LNP1: variants seen among roughly 807,000 people sequenced by gnomAD.
LNP1 encodes the protein leukemia NUP98 fusion partner 1.
LNP1 carries 12 observed loss-of-function variants against 14.5 expected under a neutral mutation model. That is an observed-to-expected ratio of 0.83 (90% CI 0.53 to 1.34). LNP1 has a LOEUF of 1.34. LNP1 is among the 40% of genes most tolerant of loss of function. LNP1 has a pLI of 0.00. For missense variants in LNP1, 198 were observed against 210.9 expected, an observed-to-expected ratio of 0.94 and a Z score of 0.38; for synonymous variants, 75 against 71.4, an observed-to-expected ratio of 1.05 and a Z score of -0.26.
intron 2 of LNP1, among the ~76,000 whole-genome samples, chr3:100,448,856 C>T (rs1037750330): frequency 9.2e-5 from 14 of 152,114 alleles, no homozygotes; most frequent in African/African-American, 3.4e-4. Context: ...CTTATAGATT[C>T]ATAAAACCGT....
chr3:100,453,705 C>A (rs1196582986), intron 3 of LNP1, among the ~76,000 whole-genome samples: 2 of 152,044 alleles, frequency 1.3e-5, no homozygotes, highest in Admixed American at 6.6e-5. Context: ...ACACCCTTCA[C>A]CTAGATTACC....
chr3:100,445,005 G>A (rs1057003870), intron 2 of LNP1, among the ~76,000 whole-genome samples: 2 of 152,208 alleles, frequency 1.3e-5, no homozygotes, highest in African/African-American at 4.8e-5. Context: ...AGGTGCAGTG[G>A]CTCATGCCTG....
In LNP1 at chr3:100,414,033, CA is replaced by C. The variant is rs1185880306; in HGVS notation, c.-34+11605del. 5.4e-4 allele frequency among the ~76,000 whole-genome samples: 78 copies of C among 145,322 alleles called. 2 individuals are homozygous for C. Among genetic ancestry groups the C allele is most frequent in the Middle Eastern group, 3.5e-3 (1 of 288 alleles). ...AAATTTTGAAAAACATTCAAAGCTGCAAAAAAAAAAATAGTTTCTGTAACTA... is the reference window on the plus strand; with the variant it reads ...AAATTTTGAAAAACATTCAAAGCTGCAAAAAAAAAATAGTTTCTGTAACTA... On this transcript the variant is annotated intron_variant, in intron 1 of 3. Coordinates refer to ENST00000383693, the MANE Select transcript of LNP1 (RefSeq NM_001085451.2).
chr3:100,402,473 T>C (rs555066034), intron 1 of LNP1, 34 bp downstream of exon 1: 3 of 152,284 alleles, frequency 2.0e-5, no homozygotes, highest in African/African-American at 7.2e-5. Flanking sequence ...CTTCAGGCAA[T>C]AGGGTTTCTT....
At chr3:100,418,527 C>T (rs1707111243) in intron 1 of LNP1, among the ~76,000 whole-genome samples, 1 of 151,788 alleles carries the variant, frequency 6.6e-6, no homozygotes, top group Non-Finnish European at 1.5e-5. Context: ...TATTTTCTGT[C>T]CCTCATTTTT....
At chr3:100,424,532 T>G (rs1436712530) in intron 1 of LNP1, among the ~76,000 whole-genome samples, 1 of 152,212 alleles carries the variant, frequency 6.6e-6, no homozygotes, top group African/African-American at 2.4e-5. Context: ...AGAGACTCAG[T>G]ACCCCAGATA....
chr3:100,412,076 T>TCATGGTTCC (rs1242384760), intron 1 of LNP1, among the ~76,000 whole-genome samples: 1 of 152,198 alleles, frequency 6.6e-6, no homozygotes, highest in Non-Finnish European at 1.5e-5. Context: ...TTTATTTAGC[T>TCATGGTTCC]CATGGTTCTG....
intron 1 of LNP1, among the ~76,000 whole-genome samples, chr3:100,425,202 T>C (rs577639136): frequency 6.6e-6 from 1 of 152,308 alleles, no homozygotes; most frequent in African/African-American, 2.4e-5. Flanking sequence ...GTTAGTCAGG[T>C]AGCACAGGTT....
intron 1 of LNP1, among the ~76,000 whole-genome samples, chr3:100,412,466 T>C (rs1188710033): frequency 2.0e-5 from 3 of 152,186 alleles, no homozygotes; most frequent in Non-Finnish European, 4.4e-5. Flanking sequence ...TTGCATTTAC[T>C]TAAAAAAATA....
intron 1 of LNP1, among the ~76,000 whole-genome samples, chr3:100,416,422 T>C (rs1276917656): frequency 1.3e-5 from 2 of 152,172 alleles, no homozygotes; most frequent in Non-Finnish European, 2.9e-5. Flanking sequence ...TTGTTTTGTT[T>C]TCTTTGTCTT....
At chr3:100,446,477 G>A (rs529075727) in intron 2 of LNP1, among the ~76,000 whole-genome samples, 4 of 152,192 alleles carry the variant, frequency 2.6e-5, no homozygotes, top group African/African-American at 9.6e-5. Context: ...TTAAATATTA[G>A]ACCTAAAACC....
intron 2 of LNP1, among the ~76,000 whole-genome samples, chr3:100,445,196 C>T (rs980185478): frequency 6.6e-5 from 10 of 152,124 alleles, no homozygotes; most frequent in African/African-American, 2.4e-4. Context: ...TGCTTGAACC[C>T]AGAGGCAGAG....
intron 2 of LNP1, among the ~76,000 whole-genome samples, chr3:100,431,075 C>G (rs1399007386): frequency 6.6e-5 from 10 of 152,134 alleles, no homozygotes; most frequent in Admixed American, 6.5e-4. Flanking sequence ...AGCAAAATAT[C>G]CAGGCTGTGT....
intron 1 of LNP1, among the ~76,000 whole-genome samples, chr3:100,404,291 T>C (rs1297135291): frequency 2.0e-5 from 3 of 152,218 alleles, no homozygotes; most frequent in South Asian, 2.1e-4. Flanking sequence ...TTCAGGAGAA[T>C]AGAGTCTTCT....
At chr3:100,420,909 T>C (rs1707138090) in intron 1 of LNP1, among the ~76,000 whole-genome samples, 2 of 152,184 alleles carry the variant, frequency 1.3e-5, no homozygotes. Context: ...CTTTTTTTTT[T>C]CTAAAAGTCT....
chr3:100,439,528 T>C (rs1707325408), intron 2 of LNP1, among the ~76,000 whole-genome samples: 1 of 152,266 alleles, frequency 6.6e-6, no homozygotes, highest in Non-Finnish European at 1.5e-5. Flanking sequence ...GTCCTTGTCC[T>C]CTAACCCTTG....
intron 1 of LNP1, among the ~76,000 whole-genome samples, chr3:100,425,058 A>G (rs1707179858): frequency 6.6e-6 from 1 of 152,188 alleles, no homozygotes; most frequent in Non-Finnish European, 1.5e-5. Flanking sequence ...TGGGTAGTAA[A>G]TTGAAGCTGA....
intron 2 of LNP1, among the ~76,000 whole-genome samples, chr3:100,442,861 G>T (rs1707357350): frequency 6.6e-6 from 1 of 152,124 alleles, no homozygotes; most frequent in Non-Finnish European, 1.5e-5. Flanking sequence ...AGATAGGATG[G>T]TTTATTCCTA....
intron 2 of LNP1, among the ~76,000 whole-genome samples, chr3:100,442,483 G>A (rs1045619612): frequency 1.3e-5 from 2 of 152,032 alleles, no homozygotes; most frequent in Non-Finnish European, 1.5e-5. Flanking sequence ...TATGAATATC[G>A]GTTTGATCTG....
Sources: allele counts gnomAD v4.1 joint callset (sites outside exome capture counted in the v4.1 genomes callset), GRCh38; gene constraint gnomAD v4.1.1; transcripts MANE v1.5; gene names NCBI Gene and HGNC (gene_info 2026-07-23, HGNC 2026-07-21).